PRDM1: variants seen among roughly 807,000 people sequenced by gnomAD.
The protein encoded by PRDM1 is PR domain zinc finger protein 1.
PRDM1 carries 13 observed loss-of-function variants against 62.8 expected under a neutral mutation model. That is an observed-to-expected ratio of 0.21 (90% confidence interval 0.13 to 0.33). The LOEUF (loss-of-function observed/expected upper bound fraction) is 0.33. Among genes scored for constraint, PRDM1 ranks in the 10% least tolerant of loss-of-function variants. The pLI is 1.00. For missense variants in PRDM1, 895 were observed against 1,058.8 expected, an observed-to-expected ratio of 0.85 and a Z score of 2.15; for synonymous variants, 396 against 417.6, an observed-to-expected ratio of 0.95 and a Z score of 0.63.
chr6:106,098,840 G>C, intron 3 of PRDM1: 1 of 1,526,954 alleles, frequency 6.5e-7, no homozygotes, highest in African/African-American at 1.4e-5. Flanking sequence ...GAGTACAGAG[G>C]CCATAGAAAA....
At chr6:106,035,826 A>G (rs1231969595) in intron 1 of PRDM1, among the ~76,000 whole-genome samples, 1 of 141,416 alleles carries the variant, frequency 7.1e-6, no homozygotes, top group African/African-American at 2.5e-5. Flanking sequence ...CAGTCTGCCA[A>G]TCTTTGTCTT....
intron 4 of PRDM1, among the ~76,000 whole-genome samples, chr6:106,101,554 T>G (rs1398261601): frequency 2.0e-5 from 3 of 152,238 alleles, no homozygotes; most frequent in African/African-American, 7.2e-5. Flanking sequence ...CATTTCATTG[T>G]CCAATATTCA....
chr6:106,055,664 G>T (rs1354389410), intron 1 of PRDM1, among the ~76,000 whole-genome samples: 5 of 152,192 alleles, frequency 3.3e-5, no homozygotes, highest in Non-Finnish European at 7.3e-5. Flanking sequence ...TAATTAAACA[G>T]TTCACAAGAT....
In PRDM1 at chr6:106,107,347, T is replaced by C. The variant is rs1774523646; in HGVS notation, c.2339T>C (p.Met780Thr). 2 of 1,614,048 alleles carry C rather than the reference T, an allele frequency of 1.2e-6. No individual in the cohort carries two copies. Among genetic ancestry groups the C allele is most frequent in the Middle Eastern group, 1.6e-4 (1 of 6,062 alleles). The change falls in exon 7 of 7, where the codon ATG (methionine) becomes ACG (threonine). Residue 780 changes from methionine to threonine, a missense_variant. Physicochemically the swap from Met to Thr is moderately conservative, Grantham distance 81 (BLOSUM62 -1). Transcript: ENST00000369096. ...TGLKVSLQRN[M>T]GNGLLSSGCS... Reference sequence around the variant, plus strand: ...CTGAAAGTGTCTTTGCAAAGAAACATGGGGAATGGACTCCTCTCCTCAGGG... The same window carrying C: ...CTGAAAGTGTCTTTGCAAAGAAACACGGGGAATGGACTCCTCTCCTCAGGG...
intron 1 of PRDM1, among the ~76,000 whole-genome samples, chr6:105,998,933 A>ATATATATTT (rs1290453454): frequency 3.1e-4 from 2 of 6,402 alleles, no homozygotes; most frequent in Non-Finnish European, 2.6e-4. Context: ...ATATATATAT[A>ATATATATTT]TTTTTTTTTT....
chr6:106,083,157 C>T (rs1773721180), upstream of PRDM1, among the ~76,000 whole-genome samples: 1 of 141,684 alleles, frequency 7.1e-6, no homozygotes, highest in African/African-American at 2.6e-5. Context: ...ACAGTTGGTC[C>T]CCAAATGTTT....
At position 106,040,352 on chromosome 6, in the gene PRDM1, G is replaced by T. The variant is rs184670700; in HGVS notation, c.-67+46713G>T. 2.6e-5 allele frequency among the ~76,000 whole-genome samples: 4 copies of T among 152,226 alleles called. No homozygotes were observed. In the East Asian group the frequency reaches 5.8e-4, roughly 22 times the overall value. On this transcript the variant is annotated intron_variant, in intron 1 of 6. Coordinates refer to the PRDM1 transcript ENST00000652320. The stretch of plus-strand genomic sequence containing the variant: ...AGCAATGGAGGGTGTGGGGTTGCTG[G>T]AATAAACACATGTGCACATATTAGC...
upstream of PRDM1, among the ~76,000 whole-genome samples, chr6:106,083,969 T>C (rs1000512378): frequency 1.3e-5 from 2 of 152,210 alleles, no homozygotes; most frequent in Admixed American, 1.3e-4. Context: ...GGTCAGTCCC[T>C]TTTATTCCCC....
At chr6:106,069,169 A>C (rs1486486895) in intron 1 of PRDM1, among the ~76,000 whole-genome samples, 4 of 152,234 alleles carry the variant, frequency 2.6e-5, no homozygotes, top group Admixed American at 1.3e-4. Flanking sequence ...GTAGCTTAGC[A>C]CAGGGTCCAA....
At chr6:106,101,019 A>G (rs1015165264) in intron 4 of PRDM1, among the ~76,000 whole-genome samples, 2 of 151,976 alleles carry the variant, frequency 1.3e-5, no homozygotes, top group African/African-American at 4.8e-5. Context: ...GCATCTGTGT[A>G]TGCCATGCCC....
chr6:106,004,385 A>G (rs1426019916), intron 1 of PRDM1, among the ~76,000 whole-genome samples: 1 of 152,198 alleles, frequency 6.6e-6, no homozygotes, highest in East Asian at 1.9e-4. Flanking sequence ...TGGTTTAGAA[A>G]CCTTTTATTT....
intron 1 of PRDM1, among the ~76,000 whole-genome samples, chr6:106,032,242 C>T (rs1195124039): frequency 6.6e-6 from 1 of 152,128 alleles, no homozygotes; most frequent in African/African-American, 2.4e-5. Flanking sequence ...CAGTTCACTG[C>T]AGCCTCTCTG....
chr6:106,075,095 A>G (rs774201627), intron 1 of PRDM1, among the ~76,000 whole-genome samples: 5 of 151,548 alleles, frequency 3.3e-5, no homozygotes, highest in Non-Finnish European at 7.3e-5. Flanking sequence ...CATGTTGATT[A>G]TTGACCAAAT....
chr6:106,002,766 C>G (rs1772441577), intron 1 of PRDM1, among the ~76,000 whole-genome samples: 1 of 152,078 alleles, frequency 6.6e-6, no homozygotes, highest in African/African-American at 2.4e-5. Flanking sequence ...AGGATTGGCC[C>G]TAGATACTCT....
chr6:106,010,226 C>T (rs773644760), intron 1 of PRDM1, among the ~76,000 whole-genome samples: 2 of 152,202 alleles, frequency 1.3e-5, no homozygotes, highest in Non-Finnish European at 2.9e-5. Context: ...CACTCTTCGA[C>T]AGGCGTTTCT....
chr6:106,107,676 CCATATATATATATATATATAT>C lies in PRDM1; in HGVS notation c.*191_*211del. 1 of 102,366 alleles carries C rather than the reference CCATATATATATATATATATAT, an allele frequency of 9.8e-6. No individual in the cohort carries two copies. The highest frequency in any genetic ancestry group is 1.6e-5 in the Non-Finnish European group (1 of 61,494). The allele number at this position is 102,366 out of a possible 1,614,324, so 6.3% of individuals were successfully genotyped here. ...TCTCAGGGCATGAACAAGGCAAAGG[CCATATATATATATATATATAT>C]ATCTGTATACATATTATATATACTT... On this transcript the variant is annotated 3_prime_UTR_variant, in exon 7 of 7. Coordinates refer to ENST00000369096, the MANE Select transcript of PRDM1 (RefSeq NM_001198.4).
At chr6:106,080,582 C>A (rs1246090918) in intron 1 of PRDM1, among the ~76,000 whole-genome samples, 1 of 152,178 alleles carries the variant, frequency 6.6e-6, no homozygotes, top group Non-Finnish European at 1.5e-5. Context: ...ATGCGAGAGC[C>A]AGGCACAAGT....
At chr6:106,050,677 G>A (rs1228276897) in intron 1 of PRDM1, among the ~76,000 whole-genome samples, 1 of 152,166 alleles carries the variant, frequency 6.6e-6, no homozygotes, top group African/African-American at 2.4e-5. Flanking sequence ...TGGGGACTGG[G>A]TAGTTTTGTA....
chr6:106,059,195 C>T (rs557734027), intron 1 of PRDM1, among the ~76,000 whole-genome samples: 2 of 152,082 alleles, frequency 1.3e-5, no homozygotes, highest in South Asian at 4.2e-4. Flanking sequence ...AATTCAATTT[C>T]AGGTAAGATA....
Sources: gnomAD v4.1 joint callset for allele counts (sites outside exome capture counted in the v4.1 genomes callset) on GRCh38, gnomAD v4.1.1 for gene constraint, MANE v1.5 for transcripts, NCBI Gene and HGNC (gene_info 2026-07-23, HGNC 2026-07-21) for gene names.